PARD3: variants seen among roughly 807,000 people sequenced by gnomAD.
The protein encoded by PARD3 is par-3 family cell polarity regulator, also known as partitioning defective 3 homolog.
A neutral mutation model predicts 155.4 loss-of-function variants in PARD3; 75 were observed. The observed-to-expected ratio is 0.48, with a 90% CI of 0.40 to 0.58. The LOEUF (loss-of-function observed/expected upper bound fraction) is 0.58. Among genes scored for constraint, PARD3 ranks in the 20% least tolerant of loss-of-function variants. The pLI, the probability that PARD3 is intolerant of heterozygous loss-of-function variation, is 0.00. For synonymous variants in PARD3, 576 were observed against 610.5 expected (o/e 0.94, Z 0.83); for missense variants, 1,642 against 1,721.7 (o/e 0.95, Z 0.82).
At chr10:34,716,595 T>TTTTTTTTTTTTTTTG (rs2094524946) in intron 1 of PARD3, among the ~76,000 whole-genome samples, 1 of 142,480 alleles carries the variant, frequency 7.0e-6, no homozygotes, top group Non-Finnish European at 1.5e-5. Context: ...CTTTTTTTTT[T>TTTTTTTTTTTTTTTG]TTTTTTTTTT....
chr10:34,413,184 T>C (rs888866159), intron 5 of PARD3, among the ~76,000 whole-genome samples: 42 of 133,536 alleles, frequency 3.1e-4, no homozygotes, highest in African/African-American at 1.0e-3. Flanking sequence ...CACACACATA[T>C]ATATAAGACT....
At chr10:34,354,597 A>G (rs1838578033) in intron 14 of PARD3, among the ~76,000 whole-genome samples, 1 of 152,166 alleles carries the variant, frequency 6.6e-6, no homozygotes, top group African/African-American at 2.4e-5. Flanking sequence ...CGGGGCTATG[A>G]AAATCCTTTG....
At chr10:34,391,518 G>A (rs983609923) in intron 7 of PARD3, among the ~76,000 whole-genome samples, 1 of 151,662 alleles carries the variant, frequency 6.6e-6, no homozygotes, top group Non-Finnish European at 1.5e-5. Flanking sequence ...TGAGGGGAGA[G>A]TGAAGCTCAG....
intron 2 of PARD3, among the ~76,000 whole-genome samples, chr10:34,590,854 C>CTGCATG (rs1281193891): frequency 1.3e-5 from 2 of 152,200 alleles, no homozygotes; most frequent in East Asian, 3.8e-4. Context: ...CCACAAGCAG[C>CTGCATG]TGCATGAGAC....
intron 3 of PARD3, among the ~76,000 whole-genome samples, chr10:34,492,927 A>G (rs941604943): frequency 3.3e-5 from 5 of 152,236 alleles, no homozygotes; most frequent in Non-Finnish European, 5.9e-5. Context: ...TTCACCTCTC[A>G]ATGATTGGAA....
intron 22 of PARD3, among the ~76,000 whole-genome samples, chr10:34,140,363 G>A (rs925760508): frequency 6.6e-6 from 1 of 152,188 alleles, no homozygotes; most frequent in African/African-American, 2.4e-5. Context: ...GTCACCCCCT[G>A]TGAAAGCGTT....
chr10:34,354,681 A>G (rs1189796299), intron 14 of PARD3, among the ~76,000 whole-genome samples: 1 of 152,124 alleles, frequency 6.6e-6, no homozygotes, highest in Non-Finnish European at 1.5e-5. Context: ...CAAGTGGAAG[A>G]CCTAGAGGTG....
intron 2 of PARD3, among the ~76,000 whole-genome samples, chr10:34,627,912 G>A (rs2092063588): frequency 1.3e-5 from 2 of 152,122 alleles, no homozygotes; most frequent in Admixed American, 1.3e-4. Context: ...GGTACACACA[G>A]GTTGCCTCAT....
At chr10:34,368,388 G>A (rs1488333593) in intron 12 of PARD3, among the ~76,000 whole-genome samples, 1 of 151,974 alleles carries the variant, frequency 6.6e-6, no homozygotes, top group Non-Finnish European at 1.5e-5. Flanking sequence ...GAAGGTGAGA[G>A]CAGGCCGGGC....
rs2094497357 is a variant in PARD3, at chr10:34,714,908, G to A, written c.121-18489C>T. Among the ~76,000 whole-genome samples the A allele has an allele frequency of 2.0e-5, 3 of 151,348 alleles. No individual in the cohort carries two copies. In the South Asian group the frequency reaches 6.3e-4, roughly 32 times the overall value. On this transcript the variant is annotated intron_variant, in intron 1 of 24. Coordinates refer to ENST00000374788, the MANE Select transcript of PARD3 (RefSeq NM_001184785.2). ...TCCTGCCTCAGCCTCCCGAATAGCTGGGACTATAGGCACGCACCACCACAG... is the reference window on the plus strand; with the variant it reads ...TCCTGCCTCAGCCTCCCGAATAGCTAGGACTATAGGCACGCACCACCACAG...
chr10:34,705,169 A>T (rs989160472), intron 1 of PARD3, among the ~76,000 whole-genome samples: 4 of 152,224 alleles, frequency 2.6e-5, no homozygotes, highest in Admixed American at 2.0e-4. Flanking sequence ...CTTCATTTTT[A>T]AAAATGCTGA....
intron 2 of PARD3, among the ~76,000 whole-genome samples, chr10:34,643,867 T>A (rs1289035737): frequency 1.3e-5 from 2 of 152,152 alleles, no homozygotes; most frequent in African/African-American, 4.8e-5. Context: ...CACTGAGCTA[T>A]GATTGCACCA....
intron 4 of PARD3, among the ~76,000 whole-genome samples, chr10:34,457,538 G>A (rs1006453727): frequency 3.3e-5 from 5 of 152,138 alleles, no homozygotes; most frequent in African/African-American, 9.7e-5. Flanking sequence ...GTGGAGATGA[G>A]GATGACAACC....
intron 3 of PARD3, among the ~76,000 whole-genome samples, chr10:34,485,880 T>C (rs1417655042): frequency 6.6e-6 from 1 of 151,254 alleles, no homozygotes; most frequent in African/African-American, 2.4e-5. Context: ...ATTTTATTGC[T>C]ACAAAGAGAC....
chr10:34,250,148 T>TCCCCCCCCCCC (rs199885357), intron 22 of PARD3, among the ~76,000 whole-genome samples: 2 of 147,184 alleles, frequency 1.4e-5, no homozygotes, highest in African/African-American at 5.3e-5. Flanking sequence ...AGAAAACTGC[T>TCCCCCCCCCCC]CCCCCTCCAC....
chr10:34,782,465 A>C (rs989727225), intron 1 of PARD3, among the ~76,000 whole-genome samples: 23 of 152,228 alleles, frequency 1.5e-4, no homozygotes, highest in African/African-American at 5.3e-4. Flanking sequence ...CTTAATCCCA[A>C]AATGTTAAAA....
At chr10:34,282,907 C>G (rs1004073082) in intron 21 of PARD3, among the ~76,000 whole-genome samples, 1 of 151,946 alleles carries the variant, frequency 6.6e-6, no homozygotes, top group Admixed American at 6.6e-5. Flanking sequence ...AGAAAGAGTC[C>G]TACAAAGCAA....
At chr10:34,759,737 C>T (rs1012927508) in intron 1 of PARD3, among the ~76,000 whole-genome samples, 2 of 152,182 alleles carry the variant, frequency 1.3e-5, no homozygotes, top group Admixed American at 6.5e-5. Flanking sequence ...GTGTGTGCTG[C>T]GGTAAAAATA....
chr10:34,626,697 A>T (rs1012821516), intron 2 of PARD3, among the ~76,000 whole-genome samples: 2 of 152,342 alleles, frequency 1.3e-5, no homozygotes, highest in Non-Finnish European at 2.9e-5. Flanking sequence ...TAGCCAAGGA[A>T]CTGACAAAAC....
Sources: gnomAD v4.1 joint callset for allele counts (sites outside exome capture counted in the v4.1 genomes callset) on GRCh38, gnomAD v4.1.1 for gene constraint, MANE v1.5 for transcripts, NCBI Gene and HGNC (gene_info 2026-07-23, HGNC 2026-07-21) for gene names.